The following ANO3 variants were observed in gnomAD, a reference collection of about 807,000 sequenced individuals.
The protein encoded by ANO3 is anoctamin-3.
ANO3 carries 99 observed loss-of-function variants against 144.8 expected under a neutral mutation model. The observed-to-expected ratio is 0.68, with a 90% CI of 0.58 to 0.81. The LOEUF (loss-of-function observed/expected upper bound fraction) is 0.81. ANO3 is among the 30% of genes least tolerant of loss of function. The probability of loss-of-function intolerance (pLI) is 0.00; values close to 1 mark genes in which losing one functional copy is unlikely to be tolerated. For synonymous variants in ANO3, 414 were observed against 392.6 expected, an observed-to-expected ratio of 1.05 and a Z score of -0.64; for missense variants, 905 against 1,202.2, an observed-to-expected ratio of 0.75 and a Z score of 3.66.
chr11:26,500,931 G>A (rs1042497025), intron 4 of ANO3, among the ~76,000 whole-genome samples: 1 of 152,020 alleles, frequency 6.6e-6, no homozygotes, highest in African/African-American at 2.4e-5. Flanking sequence ...CTCTAATTTA[G>A]GAGTGTAAAT....
At chr11:26,540,805 G>A (rs1849623276) in intron 10 of ANO3, among the ~76,000 whole-genome samples, 1 of 152,178 alleles carries the variant, frequency 6.6e-6, no homozygotes, top group Non-Finnish European at 1.5e-5. Context: ...AACAGAGGCT[G>A]GAGAGGATGT....
chr11:26,634,977 A>C (rs1852904307), intron 19 of ANO3, 36 bp from the exon 20 acceptor site: 2 of 1,570,486 alleles, frequency 1.3e-6, no homozygotes, highest in Non-Finnish European at 8.8e-7. Context: ...AGTGAACCCC[A>C]CTTAAATGCT....
chr11:26,448,249 A>C lies in ANO3; in HGVS notation c.313+4413A>C, dbSNP rs536356300. ...AGGAGGCGGAGGTTGCGGTGAGCCG[A>C]GATCGTGCCACTGCACTCCAGCCTG... On this transcript the variant is annotated intron_variant, in intron 3 of 26. Transcript: ENST00000256737. Among the ~76,000 whole-genome samples, 3 of 151,328 alleles carry C rather than the reference A, an allele frequency of 2.0e-5. No homozygotes were observed. In the South Asian group the frequency reaches 6.3e-4, roughly 32 times the overall value.
In ANO3 at chr11:26,534,460, A is replaced by G. The variant is rs1849452759; in HGVS notation, c.874A>G (p.Ile292Val). The change falls in exon 9 of 27, where the codon ATA becomes GTA. Residue 292 changes from isoleucine to valine, a missense_variant. Ile to Val is a conservative substitution (Grantham distance 29). Transcript: ENST00000256737. ...CCAATCCCCTCATCTTAACAGCTTC[A>G]TAATAAATAATAAAGACACCTTCTT... ...PFSRARIHHF[I>V]INNKDTFFSN... 6.2e-7 allele frequency: 1 copy of G among 1,608,110 alleles called. No individual in the cohort carries two copies. Among genetic ancestry groups the G allele is most frequent in the South Asian group, 1.1e-5 (1 of 90,730 alleles).
Position 26,443,826 on chromosome 11 carries a change from T to TA in ANO3, c.303_304insA (p.Phe102IlefsTer9). On this transcript the variant is annotated frameshift_variant, in exon 3 of 27. Transcript: ENST00000256737. LOFTEE classifies it high-confidence loss of function. ...GATGTTCATTTGCTGACCTCAGCGA[T>TA]TTTTGTTTGGGTAAGTTGATAATCA... 1 of 1,611,526 alleles carries TA rather than the reference T, an allele frequency of 6.2e-7. No homozygotes were observed. The highest frequency in any genetic ancestry group is 1.1e-5 in the South Asian group (1 of 90,662).
intron 17 of ANO3, among the ~76,000 whole-genome samples, chr11:26,611,173 G>T (rs938494243): frequency 6.6e-6 from 1 of 151,780 alleles, no homozygotes; most frequent in African/African-American, 2.4e-5. Flanking sequence ...TTGGGGTTTC[G>T]TTTGTCTTTT....
intron 1 of ANO3, among the ~76,000 whole-genome samples, chr11:26,234,512 G>A (rs973865415): frequency 4.6e-4 from 70 of 152,114 alleles, no homozygotes; most frequent in African/African-American, 1.6e-3. Flanking sequence ...TAAGATGCTC[G>A]ATTTACATCA....
At chr11:26,274,327 C>T (rs1853512608) in intron 1 of ANO3, among the ~76,000 whole-genome samples, 1 of 152,104 alleles carries the variant, frequency 6.6e-6, no homozygotes, top group South Asian at 2.1e-4. Flanking sequence ...TCTGCTCTAT[C>T]TACCACCTGC....
chr11:26,533,690 A>C (rs946638933), intron 8 of ANO3, among the ~76,000 whole-genome samples: 1 of 152,208 alleles, frequency 6.6e-6, no homozygotes, highest in Non-Finnish European at 1.5e-5. Flanking sequence ...AATGAGACCC[A>C]GAACAAAAAG....
intron 1 of ANO3, among the ~76,000 whole-genome samples, chr11:26,300,855 C>CTTTTTTTTTTTTT (rs376885670): frequency 2.5e-4 from 32 of 129,060 alleles, no homozygotes; most frequent in Non-Finnish European, 3.7e-4. Flanking sequence ...TCTTTTTTTT[C>CTTTTTTTTTTTTT]TTTTTTTTTT....
intron 14 of ANO3, among the ~76,000 whole-genome samples, chr11:26,568,221 T>G (rs1850672511): frequency 6.6e-6 from 1 of 152,074 alleles, no homozygotes; most frequent in African/African-American, 2.4e-5. Context: ...TATTTTCCAT[T>G]TAATGCTAAC....
intron 1 of ANO3, among the ~76,000 whole-genome samples, chr11:26,384,523 T>A (rs985034903): frequency 2.0e-5 from 3 of 152,106 alleles, no homozygotes; most frequent in Non-Finnish European, 2.9e-5. Flanking sequence ...GTTAAGATAA[T>A]CCCCCAGTGC....
chr11:26,276,696 T>A (rs945370941), intron 1 of ANO3, among the ~76,000 whole-genome samples: 2 of 152,120 alleles, frequency 1.3e-5, no homozygotes, highest in African/African-American at 2.4e-5. Flanking sequence ...ATTCAATGCG[T>A]TTGAAATATG....
chr11:26,564,730 CACATATATATATAT>C (rs1192443408), intron 14 of ANO3, among the ~76,000 whole-genome samples: 242 of 23,876 alleles, frequency 0.01, no homozygotes, highest in Non-Finnish European at 0.014. Context: ...CACACACACA[CACATATATATATAT>C]ATATATATAT....
intron 17 of ANO3, among the ~76,000 whole-genome samples, chr11:26,623,902 T>C (rs561949859): frequency 5.9e-5 from 9 of 152,300 alleles, no homozygotes; most frequent in African/African-American, 2.2e-4. Flanking sequence ...TTCTCCTGCC[T>C]CAGCCTCCCG....
At chr11:26,333,917 T>G (rs1390966211) in intron 1 of ANO3, among the ~76,000 whole-genome samples, 2 of 152,210 alleles carry the variant, frequency 1.3e-5, no homozygotes, top group East Asian at 3.8e-4. Context: ...ACAAAGATGA[T>G]AGGAACTTTG....
chr11:26,276,442 T>C (rs1853562092), intron 1 of ANO3, among the ~76,000 whole-genome samples: 1 of 151,996 alleles, frequency 6.6e-6, no homozygotes, highest in Non-Finnish European at 1.5e-5. Flanking sequence ...AACTCTTTGC[T>C]CTTTCCAAGA....
intron 17 of ANO3, among the ~76,000 whole-genome samples, chr11:26,620,287 C>T (rs1852377364): frequency 1.3e-5 from 2 of 152,076 alleles, no homozygotes; most frequent in African/African-American, 2.4e-5. Context: ...TGTCATATTA[C>T]AGCAGCATGA....
At chr11:26,622,819 A>G (rs1852459339) in intron 17 of ANO3, among the ~76,000 whole-genome samples, 2 of 152,212 alleles carry the variant, frequency 1.3e-5, no homozygotes, top group Admixed American at 1.3e-4. Context: ...AGGAATAATA[A>G]TATACGTAAA....
Sources: allele counts gnomAD v4.1 joint callset (sites outside exome capture counted in the v4.1 genomes callset), GRCh38; gene constraint gnomAD v4.1.1; transcripts MANE v1.5; gene names NCBI Gene and HGNC (gene_info 2026-07-23, HGNC 2026-07-21).